Variants in DOCK8 observed in about 807,000 individuals in gnomAD.
DOCK8 encodes dedicator of cytokinesis 8.
Under a neutral mutation model 245.6 loss-of-function variants are expected in DOCK8, and 141 were observed. The ratio of observed to expected loss-of-function variants is 0.57; its 90% CI spans 0.50 to 0.66. The LOEUF is 0.66. Among genes scored for constraint, DOCK8 ranks in the 30% least tolerant of loss-of-function variants. The probability of loss-of-function intolerance (pLI) is 0.00; values close to 1 mark genes in which losing one functional copy is unlikely to be tolerated. For missense variants in DOCK8, 2,965 were observed against 2,603.4 expected (o/e 1.14, Z -3.02); for synonymous variants, 1,168 against 970.2 (o/e 1.20, Z -3.79).
chr9:371,408 A>T lies in DOCK8; in HGVS notation c.1869-20A>T, dbSNP rs760083825. The T allele has an allele frequency of 6.2e-6, 10 of 1,614,006 alleles. No individual in the cohort carries two copies. The highest frequency in any genetic ancestry group is 3.4e-6 in the Non-Finnish European group (4 of 1,179,974). On this transcript the variant is annotated intron_variant, in intron 16 of 47. Transcript: ENST00000432829. ...CATTCTTGCTAAAAGTTATTTGTGT[A>T]TAATGTGCTTTTGAAACAGGTCTCC...
intron 35 of DOCK8, 86 bp from the exon 36 acceptor site, chr9:429,616 C>T: frequency 6.5e-7 from 1 of 1,532,928 alleles, no homozygotes; most frequent in Non-Finnish European, 9.0e-7. Flanking sequence ...TTTTGCTTGT[C>T]CAAATGGACA....
intron 20 of DOCK8, among the ~76,000 whole-genome samples, chr9:377,789 T>C (rs2053581538): frequency 6.6e-6 from 1 of 152,170 alleles, no homozygotes; most frequent in South Asian, 2.1e-4. Flanking sequence ...AACTCATCCG[T>C]TCTCTCTTAC....
Position 414,774 on chromosome 9 carries a change from G to A in DOCK8, c.3531-8G>A. On this transcript the variant is annotated splice_polypyrimidine_tract_variant and splice_region_variant and intron_variant, in intron 28 of 47. Coordinates refer to ENST00000432829, the MANE Select transcript of DOCK8 (RefSeq NM_203447.4). ...CATAACCTCTTGATTCCTGTGTTGT[G>A]CCAACAGAATCAGCAAAGTACAAAG... The A allele has an allele frequency of 6.2e-7, 1 of 1,614,108 alleles. No individual in the cohort carries two copies. The highest frequency in any genetic ancestry group is 2.2e-5 in the East Asian group (1 of 44,888).
rs75352090 is a variant in DOCK8, at chr9:328,113, C to G, written c.986C>G (p.Ala329Gly). Residue 329 changes from alanine to glycine, a missense_variant, in exon 9 of 48, where the codon GCG (alanine) becomes GGG (glycine). Ala to Gly is a moderately conservative substitution (Grantham distance 60). Coordinates refer to ENST00000432829, the MANE Select transcript of DOCK8 (RefSeq NM_203447.4). ...HTPSVAASSQ[A>G]RSAVFSVTYP... The stretch of plus-strand genomic sequence containing the variant: ...CCTTCAGTGGCCGCATCAAGTCAGG[C>G]GAGATCTGCAGTCTTCTCAGTCACC... 6.2e-7 allele frequency: 1 copy of G among 1,614,204 alleles called. No individual in the cohort carries two copies. The highest frequency in any genetic ancestry group is 8.5e-7 in the Non-Finnish European group (1 of 1,180,024).
At chr9:455,432 C>T (rs552085268) in intron 46 of DOCK8, among the ~76,000 whole-genome samples, 23 of 152,276 alleles carry the variant, frequency 1.5e-4, no homozygotes, top group African/African-American at 5.5e-4. Flanking sequence ...TAGCTTGAGC[C>T]CGAGGAGGTC....
At position 358,216 on chromosome 9, in the gene DOCK8, C is replaced by G. The variant is rs535056995; in HGVS notation, c.1680-9802C>G. On this transcript the variant is annotated intron_variant, in intron 14 of 47. Transcript: ENST00000432829. ...CTTCCAGCCTCAGCCTTCTGAGTAG[C>G]TGGGATTACAGGCATACACCACCAT... is the stretch of plus-strand genomic sequence containing the variant. 9.9e-5 allele frequency among the ~76,000 whole-genome samples: 15 copies of G among 152,192 alleles called. No homozygotes were observed. The East Asian group carries it at 2.9e-3, about 29-fold the overall frequency.
At chr9:235,384 T>C (rs1015042271) in intron 1 of DOCK8, among the ~76,000 whole-genome samples, 1 of 152,214 alleles carries the variant, frequency 6.6e-6, no homozygotes, top group Admixed American at 6.5e-5. Context: ...TTCTCAGATC[T>C]GAAGCTGTGT....
chr9:360,886 A>G (rs984906291), intron 14 of DOCK8, among the ~76,000 whole-genome samples: 1 of 152,176 alleles, frequency 6.6e-6, no homozygotes, highest in Non-Finnish European at 1.5e-5. Context: ...TCAGCTGGTC[A>G]CAGTGGCTTG....
chr9:298,303 T>C (rs1197556427), intron 4 of DOCK8, among the ~76,000 whole-genome samples: 1 of 152,124 alleles, frequency 6.6e-6, no homozygotes, highest in Non-Finnish European at 1.5e-5. Flanking sequence ...CGCATGCCTG[T>C]GATCCCAGCT....
chr9:327,356 T>C (rs1402880096), intron 8 of DOCK8, among the ~76,000 whole-genome samples: 1 of 152,110 alleles, frequency 6.6e-6, no homozygotes, highest in Non-Finnish European at 1.5e-5. Flanking sequence ...ATTTTGCTTT[T>C]ACTGTAGTTA....
At chr9:364,048 A>G (rs2052858378) in intron 14 of DOCK8, among the ~76,000 whole-genome samples, 1 of 152,310 alleles carries the variant, frequency 6.6e-6, no homozygotes, top group South Asian at 2.1e-4. Flanking sequence ...TTCAAAGATG[A>G]TGAAGCTGAG....
At chr9:310,249 AAAT>A (rs915785118) in intron 5 of DOCK8, among the ~76,000 whole-genome samples, 38 of 143,672 alleles carry the variant, frequency 2.6e-4, no homozygotes, top group African/African-American at 9.0e-4. Flanking sequence ...CCTGGCCAAA[AAAT>A]GTGAAACTCC....
At chr9:390,675 G>A (rs2054152254) in intron 24 of DOCK8, 109 bp downstream of exon 24, 3 of 1,031,708 alleles carry the variant, frequency 2.9e-6, no homozygotes, top group South Asian at 2.6e-5. Flanking sequence ...AACCTGGGGT[G>A]GTTTCTTGAA....
In DOCK8 at chr9:339,824, T is replaced by G. The variant is rs183449605; in HGVS notation, c.1517-335T>G. Among the ~76,000 whole-genome samples the G allele has an allele frequency of 2.3e-3, 349 of 152,272 alleles. 2 individuals are homozygous for G. Among genetic ancestry groups the G allele is most frequent in the South Asian group, 6.6e-3 (32 of 4,820 alleles). On this transcript the variant is annotated intron_variant, in intron 13 of 47. Coordinates refer to ENST00000432829, the MANE Select transcript of DOCK8 (RefSeq NM_203447.4). ...CCACCACATCCGGCTGGAAGCCAATTTTAAAACTCCCAATTTTTACTGCTA... is the reference window on the plus strand; with the variant it reads ...CCACCACATCCGGCTGGAAGCCAATGTTAAAACTCCCAATTTTTACTGCTA...
intron 14 of DOCK8, among the ~76,000 whole-genome samples, chr9:342,297 C>CTTTT (rs34071975): frequency 4.8e-5 from 6 of 124,414 alleles, no homozygotes; most frequent in Non-Finnish European, 6.7e-5. Flanking sequence ...TTTCTTTTTT[C>CTTTT]TTTTTTTTTT....
At chr9:326,093 A>G (rs911631930) in intron 8 of DOCK8, among the ~76,000 whole-genome samples, 1 of 152,220 alleles carries the variant, frequency 6.6e-6, no homozygotes, top group African/African-American at 2.4e-5. Flanking sequence ...TGCACTGTGA[A>G]ATAGGCTCAT....
At position 338,784 on chromosome 9, in the gene DOCK8, C is replaced by T. The variant is rs115168024; in HGVS notation, c.1423-222C>T. On this transcript the variant is annotated intron_variant, in intron 12 of 47. Transcript: ENST00000432829. ...CTTAGAATGCAGCAGATGCCCCATC[C>T]CCAGAAGGACTGATAAGAGGCCGAG... 4.9e-3 allele frequency among the ~76,000 whole-genome samples: 743 copies of T among 152,156 alleles called. 5 individuals carry two copies. The highest frequency in any genetic ancestry group is 0.017 in the African/African-American group (714 of 41,504).
intron 6 of DOCK8, among the ~76,000 whole-genome samples, chr9:313,228 C>T (rs541340129): frequency 6.6e-6 from 1 of 152,336 alleles, no homozygotes; most frequent in South Asian, 2.1e-4. Flanking sequence ...ATCTAAAGGG[C>T]AATTAGCCTT....
intron 29 of DOCK8, among the ~76,000 whole-genome samples, chr9:417,855 GA>G (rs1420383503): frequency 6.6e-6 from 1 of 152,168 alleles, no homozygotes; most frequent in African/African-American, 2.4e-5. Flanking sequence ...CACACAATTT[GA>G]AAAATTAATT....
Sources: gnomAD v4.1 joint callset for allele counts (sites outside exome capture counted in the v4.1 genomes callset) on GRCh38, gnomAD v4.1.1 for gene constraint, MANE v1.5 for transcripts, NCBI Gene and HGNC (gene_info 2026-07-23, HGNC 2026-07-21) for gene names.